The following KIAA1217 variants were observed in gnomAD, a reference collection of about 807,000 sequenced individuals.
KIAA1217 encodes KIAA1217, also known as sickle tail protein homolog.
In KIAA1217, 88 loss-of-function variants were observed where a neutral mutation model predicts 163.9. The ratio of observed to expected loss-of-function variants is 0.54; its 90% CI spans 0.45 to 0.64. The LOEUF is 0.64. KIAA1217 is among the 30% of genes least tolerant of loss of function. The pLI, the probability that KIAA1217 is intolerant of heterozygous loss-of-function variation, is 0.00. For synonymous variants in KIAA1217, 903 were observed against 923.1 expected, an observed-to-expected ratio of 0.98 and a Z score of 0.39; for missense variants, 2,372 against 2,475.0, an observed-to-expected ratio of 0.96 and a Z score of 0.88.
At chr10:23,836,382 AAC>A (rs1838450086) in intron 1 of KIAA1217, among the ~76,000 whole-genome samples, 2 of 152,090 alleles carry the variant, frequency 1.3e-5, no homozygotes, top group African/African-American at 2.4e-5. Flanking sequence ...AGGAAGTGAG[AAC>A]ACACACACAG....
At chr10:24,424,429 G>C (rs2059015839) in intron 3 of KIAA1217, among the ~76,000 whole-genome samples, 1 of 152,230 alleles carries the variant, frequency 6.6e-6, no homozygotes, top group South Asian at 2.1e-4. Context: ...CAAGAAGAAA[G>C]AGATTGAGTG....
At chr10:24,112,637 T>A (rs902195510) in intron 2 of KIAA1217, among the ~76,000 whole-genome samples, 3 of 151,686 alleles carry the variant, frequency 2.0e-5, no homozygotes, top group African/African-American at 7.3e-5. Context: ...CAGGCTGGAG[T>A]GTGGTGGCAC....
intron 2 of KIAA1217, among the ~76,000 whole-genome samples, chr10:24,278,931 A>T (rs1457610863): frequency 6.8e-6 from 1 of 148,024 alleles, no homozygotes; most frequent in East Asian, 2.0e-4. Context: ...ATCTCAGCTC[A>T]CTGCAACCTC....
chr10:24,141,332 G>T (rs1327804156), intron 2 of KIAA1217, among the ~76,000 whole-genome samples: 1 of 149,562 alleles, frequency 6.7e-6, no homozygotes, highest in Non-Finnish European at 1.5e-5. Context: ...AAGAACCTGG[G>T]GCAAGTGCCT....
intron 1 of KIAA1217, among the ~76,000 whole-genome samples, chr10:23,856,884 A>C (rs928542042): frequency 6.6e-6 from 1 of 152,180 alleles, no homozygotes; most frequent in African/African-American, 2.4e-5. Flanking sequence ...TTAGGGTGGG[A>C]GTGACCCGAT....
rs75841408 is a variant in KIAA1217, at chr10:24,428,351, G to A, written c.554-4644G>A. On this transcript the variant is annotated intron_variant, in intron 3 of 20. Transcript: ENST00000376454. Reference sequence around the variant, plus strand: ...CAGACAGGCTTAAAAGGTATTCTCCGCATTCTGAGGAATTTGTAACAGCAT... The same window carrying A: ...CAGACAGGCTTAAAAGGTATTCTCCACATTCTGAGGAATTTGTAACAGCAT... Among the ~76,000 whole-genome samples, 743 of 152,248 alleles carry A rather than the reference G, an allele frequency of 4.9e-3. 2 individuals are homozygous for A. The highest frequency in any genetic ancestry group is 0.016 in the African/African-American group (657 of 41,544).
At chr10:24,310,722 T>G (rs1038868472) in intron 2 of KIAA1217, among the ~76,000 whole-genome samples, 2 of 152,014 alleles carry the variant, frequency 1.3e-5, no homozygotes, top group African/African-American at 4.8e-5. Context: ...ATAGGCTGGG[T>G]GTGGTGTCTC....
At chr10:24,298,022 A>G (rs1252745020) in intron 2 of KIAA1217, among the ~76,000 whole-genome samples, 1 of 152,100 alleles carries the variant, frequency 6.6e-6, no homozygotes, top group Admixed American at 6.6e-5. Flanking sequence ...TTGGTGGTGA[A>G]AAAGTGTTTT....
chr10:24,201,164 C>T (rs117692669), intron 2 of KIAA1217, among the ~76,000 whole-genome samples: 9,520 of 152,034 alleles, frequency 0.063, 403 homozygotes, highest in Middle Eastern at 0.088. Context: ...CCAGCTACCA[C>T]GGAGGATGAG....
intron 1 of KIAA1217, among the ~76,000 whole-genome samples, chr10:24,215,771 T>A (rs1396815774): frequency 1.3e-5 from 2 of 152,100 alleles, no homozygotes; most frequent in Non-Finnish European, 2.9e-5. Context: ...TGCCTTTGTG[T>A]GGAAAGTGGC....
rs1379041545 is a variant in KIAA1217, at chr10:24,313,932, C to T, written c.355-66937C>T. On this transcript the variant is annotated intron_variant, in intron 2 of 20. Transcript: ENST00000376454. ...TCGGCTCACTGCAACTTCCACCTCC[C>T]GGGCTCAAGTGATTCTCCTGCCTCA... 8.6e-5 allele frequency among the ~76,000 whole-genome samples: 13 copies of T among 151,080 alleles called. 1 individual carries two copies. The highest frequency in any genetic ancestry group is 6.6e-4 in the Admixed American group (10 of 15,156).
At chr10:24,261,514 A>AAT in intron 2 of KIAA1217, among the ~76,000 whole-genome samples, 1 of 151,026 alleles carries the variant, frequency 6.6e-6, no homozygotes, top group Admixed American at 6.6e-5. Flanking sequence ...AAAAAAAAAA[A>AAT]GCATTTAATC....
chr10:24,069,045 T>C (rs1464680168), intron 2 of KIAA1217, among the ~76,000 whole-genome samples: 1 of 152,152 alleles, frequency 6.6e-6, no homozygotes, highest in Non-Finnish European at 1.5e-5. Flanking sequence ...ATCCAACTGC[T>C]TCCCTCCACA....
intron 2 of KIAA1217, among the ~76,000 whole-genome samples, chr10:24,360,079 CT>C (rs1325000143): frequency 9.0e-6 from 1 of 110,628 alleles, no homozygotes. Flanking sequence ...CAGACTCTTA[CT>C]CTGTCGCCCA....
intron 1 of KIAA1217, among the ~76,000 whole-genome samples, chr10:23,928,003 C>G (rs887182420): frequency 1.3e-5 from 2 of 152,212 alleles, no homozygotes; most frequent in African/African-American, 2.4e-5. Flanking sequence ...GTCCACCCAG[C>G]AGACCAGCAT....
chr10:23,918,952 A>G (rs1842739682), intron 1 of KIAA1217, among the ~76,000 whole-genome samples: 1 of 152,098 alleles, frequency 6.6e-6, no homozygotes, highest in Non-Finnish European at 1.5e-5. Flanking sequence ...GCACATGGGG[A>G]AGCCAGGTCT....
chr10:24,492,429 C>T (rs964954833), intron 6 of KIAA1217, among the ~76,000 whole-genome samples: 16 of 152,188 alleles, frequency 1.1e-4, no homozygotes, highest in Admixed American at 2.6e-4. Flanking sequence ...CAAATCACTC[C>T]GTGGAGATAT....
At chr10:23,992,628 AAGCCCTCGT>A (rs1846268920) in intron 1 of KIAA1217, among the ~76,000 whole-genome samples, 2 of 140,724 alleles carry the variant, frequency 1.4e-5, no homozygotes, top group African/African-American at 5.4e-5. Flanking sequence ...TTTTTTTTGG[AAGCCCTCGT>A]GATGGGATAA....
chr10:24,372,504 A>G (rs1346566125), intron 2 of KIAA1217, among the ~76,000 whole-genome samples: 1 of 152,092 alleles, frequency 6.6e-6, no homozygotes, highest in Non-Finnish European at 1.5e-5. Context: ...CAGTTTATCA[A>G]AAAAAATAAT....
Sources: allele counts gnomAD v4.1 joint callset (sites outside exome capture counted in the v4.1 genomes callset), GRCh38; gene constraint gnomAD v4.1.1; transcripts MANE v1.5; gene names NCBI Gene and HGNC (gene_info 2026-07-23, HGNC 2026-07-21).